Variants in PHLDB2 observed in about 807,000 individuals in gnomAD.
The protein encoded by PHLDB2 is pleckstrin homology-like domain family B member 2.
A neutral mutation model predicts 123.6 loss-of-function variants in PHLDB2; 71 were observed. The observed-to-expected ratio is 0.57, with a 90% CI of 0.47 to 0.70. The LOEUF is 0.70. Among genes scored for constraint, PHLDB2 ranks in the 30% least tolerant of loss-of-function variants. The pLI is 0.00. For missense variants in PHLDB2, 1,446 were observed against 1,519.5 expected (o/e 0.95, Z 0.80); for synonymous variants, 547 against 541.6 (o/e 1.01, Z -0.14).
rs74701119 is a variant in PHLDB2 at position 111,790,944 on chromosome 3, G to A, written c.-48-54877G>A. 5.0e-3 allele frequency among the ~76,000 whole-genome samples: 754 copies of A among 152,128 alleles called. 11 individuals are homozygous for A. The highest frequency in any genetic ancestry group is 0.017 in the African/African-American group (724 of 41,504). On this transcript the variant is annotated intron_variant, in intron 1 of 17. Coordinates refer to the PHLDB2 transcript ENST00000393923. ...TATGTATTCATTTTATAAAAATGGT[G>A]CCATGGTAAGCATTCTGATATGTAA...
At chr3:111,748,267 C>T (rs2107952428) in intron 1 of PHLDB2, among the ~76,000 whole-genome samples, 1 of 152,308 alleles carries the variant, frequency 6.6e-6, no homozygotes, top group Non-Finnish European at 1.5e-5. Flanking sequence ...CCATCAGAGG[C>T]ACCAACCTTA....
intron 1 of PHLDB2, among the ~76,000 whole-genome samples, chr3:111,759,280 C>A (rs1279669048): frequency 6.6e-6 from 1 of 152,134 alleles, no homozygotes; most frequent in Non-Finnish European, 1.5e-5. Context: ...AGTGGGGATC[C>A]ACTTTCTGGT....
At chr3:111,739,109 A>G (rs1338051858) in intron 1 of PHLDB2, among the ~76,000 whole-genome samples, 1 of 152,220 alleles carries the variant, frequency 6.6e-6, no homozygotes, top group East Asian at 1.9e-4. Flanking sequence ...AGAAAAGTTT[A>G]CTTCAGAAAG....
chr3:111,891,714 C>G (rs1242125496), intron 2 of PHLDB2, among the ~76,000 whole-genome samples: 1 of 152,036 alleles, frequency 6.6e-6, no homozygotes, highest in East Asian at 1.9e-4. Context: ...TTGCGGACTG[C>G]TGTTCTAGAG....
At chr3:111,866,780 C>T (rs1324364914) in intron 1 of PHLDB2, among the ~76,000 whole-genome samples, 2 of 152,162 alleles carry the variant, frequency 1.3e-5, no homozygotes, top group African/African-American at 2.4e-5. Context: ...TTAGTTATCC[C>T]ATGATTCTGC....
intron 1 of PHLDB2, among the ~76,000 whole-genome samples, chr3:111,781,471 T>A (rs192936746): frequency 6.6e-6 from 1 of 152,204 alleles, no homozygotes; most frequent in East Asian, 1.9e-4. Flanking sequence ...CATGTAATGC[T>A]CCAATACCAA....
chr3:111,950,604 C>CAA (rs146381468), intron 10 of PHLDB2, among the ~76,000 whole-genome samples: 1 of 149,944 alleles, frequency 6.7e-6, no homozygotes, highest in African/African-American at 2.4e-5. Flanking sequence ...CTTGGGTATT[C>CAA]AAAAAAAAAA....
intron 1 of PHLDB2, among the ~76,000 whole-genome samples, chr3:111,831,431 A>AT (rs1001617083): frequency 6.9e-6 from 1 of 144,894 alleles, no homozygotes; most frequent in African/African-American, 2.8e-5. Flanking sequence ...CCATGAGCAC[A>AT]TTTGTAGGGA....
At chr3:111,757,932 G>A (rs958972795) in intron 1 of PHLDB2, among the ~76,000 whole-genome samples, 1 of 152,162 alleles carries the variant, frequency 6.6e-6, no homozygotes, top group Admixed American at 6.5e-5. Context: ...CGTGAACCGC[G>A]AATGCTGCTG....
At chr3:111,809,377 A>G (rs975112356) in intron 1 of PHLDB2, among the ~76,000 whole-genome samples, 2 of 152,076 alleles carry the variant, frequency 1.3e-5, no homozygotes, top group Non-Finnish European at 2.9e-5. Context: ...CTTATGCTCA[A>G]CCTCTTCCCT....
At chr3:111,805,774 A>C (rs552846841) in intron 1 of PHLDB2, among the ~76,000 whole-genome samples, 1 of 148,090 alleles carries the variant, frequency 6.8e-6, no homozygotes, top group African/African-American at 2.5e-5. Flanking sequence ...TTGACTGGGA[A>C]GGACACAGGG....
chr3:111,919,353 T>C, intron 4 of PHLDB2, 138 bp downstream of exon 4: 1 of 816,510 alleles, frequency 1.2e-6, no homozygotes, highest in Non-Finnish European at 1.9e-6. Context: ...GTTCCCTGTA[T>C]AGAGTGAAAA....
intron 2 of PHLDB2, among the ~76,000 whole-genome samples, chr3:111,886,056 G>A (rs1374483846): frequency 3.3e-5 from 5 of 152,072 alleles, no homozygotes; most frequent in South Asian, 2.1e-4. Context: ...AAAATAAGAC[G>A]GGGAAACATC....
chr3:111,910,623 G>T (rs2067830834), intron 2 of PHLDB2, among the ~76,000 whole-genome samples: 1 of 152,212 alleles, frequency 6.6e-6, no homozygotes, highest in Admixed American at 6.5e-5. Flanking sequence ...AGAGGTTCTG[G>T]TCTGGAATGG....
chr3:111,845,042 A>G (rs1013830322), intron 1 of PHLDB2, among the ~76,000 whole-genome samples: 23 of 152,146 alleles, frequency 1.5e-4, no homozygotes, highest in Non-Finnish European at 2.9e-5. Context: ...GAACAAGGAC[A>G]CTGGTTTCTT....
intron 12 of PHLDB2, among the ~76,000 whole-genome samples, chr3:111,954,895 G>T (rs956296454): frequency 2.0e-5 from 3 of 152,112 alleles, no homozygotes; most frequent in Non-Finnish European, 4.4e-5. Context: ...GGGATGGCAG[G>T]CATTTGGCCT....
At chr3:111,839,663 T>C (rs73855649) in intron 1 of PHLDB2, among the ~76,000 whole-genome samples, 183 of 152,290 alleles carry the variant, frequency 1.2e-3, no homozygotes, top group African/African-American at 4.4e-3. Flanking sequence ...TTTTTTCTTT[T>C]TTAATTGTGT....
At chr3:111,767,115 A>T (rs2060097952) in intron 1 of PHLDB2, among the ~76,000 whole-genome samples, 1 of 151,586 alleles carries the variant, frequency 6.6e-6, no homozygotes, top group African/African-American at 2.4e-5. Context: ...CAACTGAGAA[A>T]GTCACCTTGC....
At chr3:111,917,437 A>G (rs2107520183) in intron 3 of PHLDB2, 1 of 152,322 alleles carries the variant, frequency 6.6e-6, no homozygotes, top group South Asian at 2.1e-4. Flanking sequence ...CCTAATATGT[A>G]ATCTTGACCC....
Sources: gnomAD v4.1 joint callset for allele counts (sites outside exome capture counted in the v4.1 genomes callset) on GRCh38, gnomAD v4.1.1 for gene constraint, MANE v1.5 for transcripts, NCBI Gene and HGNC (gene_info 2026-07-23, HGNC 2026-07-21) for gene names.